TRIM9: variants seen among roughly 807,000 people sequenced by gnomAD.
The protein encoded by TRIM9 is E3 ubiquitin-protein ligase TRIM9.
In TRIM9, 26 loss-of-function variants were observed where a neutral mutation model predicts 78.3. The observed-to-expected ratio is 0.33, with a 90% CI of 0.24 to 0.46. TRIM9 has a LOEUF of 0.46. Ranked by LOEUF, TRIM9 falls within the 20% of genes least tolerant of loss-of-function variation. The pLI, the probability that TRIM9 is intolerant of heterozygous loss-of-function variation, is 1.00. For missense variants in TRIM9, 787 were observed against 1,036.4 expected (o/e 0.76, Z 3.30); for synonymous variants, 398 against 416.5 (o/e 0.96, Z 0.54).
In TRIM9 at chr14:51,030,480, C is replaced by T. The variant is rs191973190; in HGVS notation, c.823-5120G>A. On this transcript the variant is annotated intron_variant, in intron 1 of 12. Transcript: ENST00000684578. ...ATTTATCTCTAAGCCCAGCAAAGGG[C>T]TGGCGCAGTGAACAGGCTATGATTT... Among the ~76,000 whole-genome samples, 1,219 of 152,298 alleles carry T rather than the reference C, an allele frequency of 8.0e-3. 6 individuals are homozygous for T. Among genetic ancestry groups the T allele is most frequent in the South Asian group, 0.029 (142 of 4,826 alleles).
At position 51,094,687 on chromosome 14, in the gene TRIM9, CG is replaced by C; in HGVS notation, c.252del (p.Phe84LeufsTer71). ...TGGCACGGGGTAGTGGGGGCGCTGG[CG>C]AACCCCCCGTAGGAGCCATAGCCGC... Reference protein sequence around the residue: ...ADSGYGSYGGFASAPTTPCQK... With the variant: ...ADSGYGSYGGXASAPTTPCQK... On this transcript the variant is annotated frameshift_variant, in exon 1 of 13. Transcript: ENST00000684578. LOFTEE classifies it high-confidence loss of function. 6.4e-7 allele frequency: 1 copy of C among 1,573,288 alleles called. No homozygotes were observed.
chr14:51,054,106 T>TA (rs942459478), intron 1 of TRIM9, among the ~76,000 whole-genome samples: 4 of 152,132 alleles, frequency 2.6e-5, no homozygotes, highest in African/African-American at 7.2e-5. Flanking sequence ...ATTAAAAAGT[T>TA]AAAAAAAATT....
intron 1 of TRIM9, among the ~76,000 whole-genome samples, chr14:51,071,387 G>GAAAAAAAAAAAAAAAAAAA (rs56726763): frequency 8.6e-6 from 1 of 115,876 alleles, no homozygotes; most frequent in African/African-American, 3.2e-5. Context: ...AAAAAAAAAA[G>GAAAAAAAAAAAAAAAAAAA]AAAAAAAAAA....
intron 3 of TRIM9, among the ~76,000 whole-genome samples, chr14:51,020,458 C>T (rs892612621): frequency 2.0e-5 from 3 of 152,194 alleles, no homozygotes; most frequent in African/African-American, 4.8e-5. Flanking sequence ...CTGGTTTCTG[C>T]AGTCCTTTGA....
intron 1 of TRIM9, among the ~76,000 whole-genome samples, chr14:51,075,540 C>T (rs1427892199): frequency 6.6e-6 from 1 of 152,182 alleles, no homozygotes; most frequent in East Asian, 1.9e-4. Flanking sequence ...TTCGGGAACT[C>T]ATACCCACTG....
chr14:51,045,368 G>A (rs2059874475), intron 1 of TRIM9, among the ~76,000 whole-genome samples: 1 of 152,348 alleles, frequency 6.6e-6, no homozygotes, highest in Middle Eastern at 3.4e-3. Context: ...CTTATGACAA[G>A]ACAGATTTCA....
intron 7 of TRIM9, among the ~76,000 whole-genome samples, chr14:50,990,540 T>G (rs1260069430): frequency 6.6e-6 from 1 of 152,170 alleles, no homozygotes; most frequent in Non-Finnish European, 1.5e-5. Context: ...TACTAAAGAT[T>G]TTTGCAGATG....
At chr14:50,996,500 G>T in intron 7 of TRIM9, 1 of 985,416 alleles carries the variant, frequency 1.0e-6, no homozygotes, top group Non-Finnish European at 1.2e-6. Context: ...AATAGAAATA[G>T]TTTTCCCGCA....
At chr14:51,021,940 A>T (rs2057793560) in intron 3 of TRIM9, among the ~76,000 whole-genome samples, 1 of 152,192 alleles carries the variant, frequency 6.6e-6, no homozygotes, top group Non-Finnish European at 1.5e-5. Flanking sequence ...GTTAAGACAA[A>T]TCATGCTCAT....
chr14:50,977,841 A>T (rs1566535195), intron 12 of TRIM9, among the ~76,000 whole-genome samples: 2 of 152,198 alleles, frequency 1.3e-5, no homozygotes, highest in East Asian at 3.8e-4. Context: ...CTATTTTACC[A>T]ATTTCCGTGT....
Position 51,095,097 on chromosome 14 carries a change from T to C in TRIM9, c.-158A>G. 4.0e-6 allele frequency: 2 copies of C among 497,518 alleles called. No individual in the cohort carries two copies. Among genetic ancestry groups the C allele is most frequent in the Non-Finnish European group, 6.4e-6 (2 of 311,584 alleles). The allele number at this position is 497,518 out of a possible 1,614,324, so 30.8% of individuals were successfully genotyped here. ...CTGGCACGGACACCCAGAGAGGCGC[T>C]AGCTCTGTGAGCCGCAGCCGCGTAG... On this transcript the variant is annotated 5_prime_UTR_variant, in exon 1 of 13. Coordinates refer to ENST00000684578, the MANE Select transcript of TRIM9 (RefSeq NM_001387360.1).
chr14:51,078,891 A>C (rs1378851800), intron 1 of TRIM9, among the ~76,000 whole-genome samples: 1 of 152,218 alleles, frequency 6.6e-6, no homozygotes, highest in Non-Finnish European at 1.5e-5. Flanking sequence ...AGTAGATTTT[A>C]GCTGCTCTTG....
chr14:51,092,725 ATTATAAGGATC>A (rs2140388768), intron 1 of TRIM9, among the ~76,000 whole-genome samples: 1 of 152,338 alleles, frequency 6.6e-6, no homozygotes, highest in Admixed American at 6.5e-5. Flanking sequence ...GTGTGGGCAT[ATTATAAGGATC>A]TTCTTCCTCA....
At chr14:50,979,652 A>G in intron 11 of TRIM9, 103 bp from the exon 12 acceptor site, 1 of 935,080 alleles carries the variant, frequency 1.1e-6, no homozygotes, top group Non-Finnish European at 1.7e-6. Flanking sequence ...GTTTATAATC[A>G]TCACTACCCC....
chr14:51,031,440 G>A (rs1471380303), intron 1 of TRIM9, among the ~76,000 whole-genome samples: 3 of 152,218 alleles, frequency 2.0e-5, no homozygotes, highest in South Asian at 2.1e-4. Flanking sequence ...TCTGTGAGAG[G>A]GTAGGGGTCT....
intron 3 of TRIM9, among the ~76,000 whole-genome samples, chr14:51,015,141 G>T (rs966555683): frequency 6.6e-6 from 1 of 152,180 alleles, no homozygotes; most frequent in Non-Finnish European, 1.5e-5. Context: ...CTTGGGTCAG[G>T]ATATGACACT....
chr14:51,090,217 A>G (rs960341024), intron 1 of TRIM9, among the ~76,000 whole-genome samples: 6 of 152,226 alleles, frequency 3.9e-5, no homozygotes, highest in Non-Finnish European at 8.8e-5. Context: ...ATGTAAAAAC[A>G]TGAACATATG....
intron 6 of TRIM9, among the ~76,000 whole-genome samples, chr14:50,998,538 C>T (rs1253038339): frequency 6.6e-6 from 1 of 152,168 alleles, no homozygotes; most frequent in African/African-American, 2.4e-5. Context: ...GTTCAGATTA[C>T]ACTTATTAAC....
intron 1 of TRIM9, among the ~76,000 whole-genome samples, chr14:51,047,694 C>T (rs2060054920): frequency 6.6e-6 from 1 of 152,116 alleles, no homozygotes; most frequent in East Asian, 1.9e-4. Flanking sequence ...ATATAACAAT[C>T]TGTATCAGGT....
Sources: allele counts gnomAD v4.1 joint callset (sites outside exome capture counted in the v4.1 genomes callset), GRCh38; gene constraint gnomAD v4.1.1; transcripts MANE v1.5; gene names NCBI Gene and HGNC (gene_info 2026-07-23, HGNC 2026-07-21).